The following MUSK variants were observed in gnomAD, a reference collection of about 807,000 sequenced individuals.
The protein encoded by MUSK is muscle, skeletal receptor tyrosine-protein kinase.
In MUSK, 55 loss-of-function variants were observed where a neutral mutation model predicts 88.7. That is an observed-to-expected ratio of 0.62 (90% CI 0.50 to 0.78). MUSK has a LOEUF of 0.78. Ranked by LOEUF, MUSK falls within the 30% of genes least tolerant of loss-of-function variation. The probability of loss-of-function intolerance (pLI) is 0.00; values close to 1 mark genes in which losing one functional copy is unlikely to be tolerated. For synonymous variants in MUSK, 387 were observed against 391.9 expected, an observed-to-expected ratio of 0.99 and a Z score of 0.15; for missense variants, 1,015 against 1,074.3, an observed-to-expected ratio of 0.94 and a Z score of 0.77.
intron 11 of MUSK, among the ~76,000 whole-genome samples, chr9:110,777,289 A>C (rs1453282339): frequency 1.3e-5 from 2 of 152,160 alleles, no homozygotes; most frequent in South Asian, 2.1e-4. Context: ...AAAGCTTTTC[A>C]TGTCAACTAA....
intron 6 of MUSK, among the ~76,000 whole-genome samples, chr9:110,741,915 C>T (rs192648250): frequency 3.1e-4 from 47 of 152,272 alleles, no homozygotes; most frequent in African/African-American, 1.1e-3. Flanking sequence ...TCTATCTACA[C>T]TAACACAGAC....
chr9:110,682,166 T>A (rs901588741), intron 1 of MUSK, among the ~76,000 whole-genome samples: 1 of 152,096 alleles, frequency 6.6e-6, no homozygotes, highest in Non-Finnish European at 1.5e-5. Context: ...ATTCTCTCAT[T>A]TGCAGGAGCC....
intron 1 of MUSK, among the ~76,000 whole-genome samples, chr9:110,670,407 G>A (rs1171494828): frequency 6.6e-6 from 1 of 151,958 alleles, no homozygotes; most frequent in East Asian, 1.9e-4. Flanking sequence ...AAAATGATAG[G>A]GTTAAATACT....
At chr9:110,704,661 G>A (rs12347321) in intron 5 of MUSK, among the ~76,000 whole-genome samples, 11,774 of 151,994 alleles carry the variant, frequency 0.077, 571 homozygotes, top group Middle Eastern at 0.12. Context: ...CATGTATATC[G>A]AACTCTTAAG....
chr9:110,695,474 A>G lies in MUSK; in HGVS notation c.430A>G (p.Thr144Ala), dbSNP rs1210600769. 6.4e-6 allele frequency: 10 copies of G among 1,561,074 alleles called. No homozygotes were observed. Among genetic ancestry groups the G allele is most frequent in the Non-Finnish European group, 7.0e-6 (8 of 1,147,894 alleles). Reference protein sequence around the residue: ...EGLKAVLPCTTMGNPKPSVSW... With the variant: ...EGLKAVLPCTAMGNPKPSVSW... ...ATTAAAAGCAGTCCTACCATGTACT[A>G]CAATGGGTAATCCCAAACCATCAGT... Residue 144 changes from threonine to alanine, a missense_variant, in exon 4 of 15, where the codon ACA becomes GCA. Physicochemically the swap from Thr to Ala is moderately conservative, Grantham distance 58. Transcript: ENST00000374448.
chr9:110,689,672 AT>A (rs376272356), intron 3 of MUSK, among the ~76,000 whole-genome samples: 1 of 8,646 alleles, frequency 1.2e-4, no homozygotes, highest in East Asian at 9.1e-3. Flanking sequence ...TACATAGTAT[AT>A]TATATATAAC....
intron 8 of MUSK, among the ~76,000 whole-genome samples, chr9:110,766,438 A>G (rs2077486793): frequency 6.6e-6 from 1 of 152,146 alleles, no homozygotes. Flanking sequence ...TTCCCAACAA[A>G]CAAAGGGATA....
intron 5 of MUSK, among the ~76,000 whole-genome samples, chr9:110,720,222 A>C (rs1197655106): frequency 6.6e-6 from 1 of 152,036 alleles, no homozygotes; most frequent in Non-Finnish European, 1.5e-5. Flanking sequence ...AATGCAGAAG[A>C]AGAAAAGAAA....
chr9:110,749,267 A>G (rs1047398495), intron 7 of MUSK, among the ~76,000 whole-genome samples: 34 of 152,182 alleles, frequency 2.2e-4, no homozygotes, highest in Non-Finnish European at 3.4e-4. Context: ...ATATTATGGC[A>G]CTGGCTGTAT....
At chr9:110,730,175 C>A (rs1179702041) in intron 5 of MUSK, among the ~76,000 whole-genome samples, 1 of 151,128 alleles carries the variant, frequency 6.6e-6, no homozygotes, top group Admixed American at 6.6e-5. Flanking sequence ...GAATAGATCC[C>A]ATGAGAGAAA....
chr9:110,744,207 T>C (rs1055855104), intron 6 of MUSK, among the ~76,000 whole-genome samples: 1 of 152,188 alleles, frequency 6.6e-6, no homozygotes, highest in Non-Finnish European at 1.5e-5. Context: ...AACCTCGTGA[T>C]CTGCCTGCCT....
In MUSK at chr9:110,805,060, T is replaced by A. The variant is rs1356060739; in HGVS notation, c.*4072T>A. Among the ~76,000 whole-genome samples the A allele has an allele frequency of 6.6e-6, 1 of 151,968 alleles. No individual in the cohort carries two copies. The highest frequency in any genetic ancestry group is 2.4e-5 in the African/African-American group (1 of 41,448). On this transcript the variant is annotated 3_prime_UTR_variant, in exon 15 of 15. Coordinates refer to ENST00000374448, the MANE Select transcript of MUSK (RefSeq NM_005592.4). ...GATGGTTGAATAGTATTATACAGAT[T>A]TATCGTAATTGACATAACTATTCTA...
chr9:110,722,111 A>T (rs748152006), intron 5 of MUSK, among the ~76,000 whole-genome samples: 5 of 152,150 alleles, frequency 3.3e-5, no homozygotes, highest in Non-Finnish European at 7.3e-5. Context: ...TCAAGGACTT[A>T]AATTGAAGAC....
At chr9:110,718,098 A>G (rs1001292230) in intron 5 of MUSK, among the ~76,000 whole-genome samples, 5 of 152,104 alleles carry the variant, frequency 3.3e-5, no homozygotes, top group African/African-American at 1.2e-4. Context: ...TCTAATTCAA[A>G]TGTGGTTGAC....
chr9:110,689,730 T>TA (rs2076277067), intron 3 of MUSK, among the ~76,000 whole-genome samples: 1 of 6,088 alleles, frequency 1.6e-4, no homozygotes, highest in Non-Finnish European at 3.0e-4. Flanking sequence ...TTATATATAG[T>TA]TTATATATAA....
intron 11 of MUSK, among the ~76,000 whole-genome samples, chr9:110,784,309 C>T (rs900073380): frequency 6.6e-6 from 1 of 152,044 alleles, no homozygotes; most frequent in African/African-American, 2.4e-5. Flanking sequence ...CATATCACAT[C>T]GGCCTTTTAA....
intron 2 of MUSK, among the ~76,000 whole-genome samples, chr9:110,683,786 G>A (rs998289879): frequency 3.3e-5 from 5 of 152,032 alleles, no homozygotes; most frequent in South Asian, 2.1e-4. Flanking sequence ...GTCTTCTTTC[G>A]AGAAATTGTT....
intron 7 of MUSK, among the ~76,000 whole-genome samples, chr9:110,760,155 A>C (rs1196681638): frequency 6.6e-6 from 1 of 152,190 alleles, no homozygotes; most frequent in Non-Finnish European, 1.5e-5. Flanking sequence ...CAGTGTGGTA[A>C]GTCCTAAGAT....
At chr9:110,692,761 T>C (rs1257107453) in intron 3 of MUSK, among the ~76,000 whole-genome samples, 1 of 152,162 alleles carries the variant, frequency 6.6e-6, no homozygotes, top group Non-Finnish European at 1.5e-5. Context: ...ACTTGTATGA[T>C]ACAATATTCA....
Sources: gnomAD v4.1 joint callset for allele counts (sites outside exome capture counted in the v4.1 genomes callset) on GRCh38, gnomAD v4.1.1 for gene constraint, MANE v1.5 for transcripts, NCBI Gene and HGNC (gene_info 2026-07-23, HGNC 2026-07-21) for gene names.